Variants in LPP observed in about 807,000 individuals in gnomAD.
The protein encoded by LPP is lipoma-preferred partner.
In LPP, 38 loss-of-function variants were observed where a neutral mutation model predicts 60.4. The ratio of observed to expected loss-of-function variants is 0.63; its 90% CI spans 0.49 to 0.83. The LOEUF is 0.83. Ranked by LOEUF, LPP falls within the 40% of genes least tolerant of loss-of-function variation. The pLI, the probability that LPP is intolerant of heterozygous loss-of-function variation, is 0.00. For synonymous variants in LPP, 328 were observed against 290.8 expected, an observed-to-expected ratio of 1.13 and a Z score of -1.30; for missense variants, 902 against 783.6, an observed-to-expected ratio of 1.15 and a Z score of -1.80.
At chr3:188,249,754 G>A (rs1480737484) in intron 2 of LPP, among the ~76,000 whole-genome samples, 11 of 148,382 alleles carry the variant, frequency 7.4e-5, no homozygotes, top group East Asian at 2.0e-4. Flanking sequence ...ACTCAGATTC[G>A]TCTATTGTTA....
chr3:188,535,762 A>G (rs935587154), intron 6 of LPP, among the ~76,000 whole-genome samples: 1 of 152,190 alleles, frequency 6.6e-6, no homozygotes, highest in African/African-American at 2.4e-5. Context: ...TCAATATTAT[A>G]TCAATTCTGT....
intron 1 of LPP, among the ~76,000 whole-genome samples, chr3:188,205,000 A>G (rs1427777202): frequency 6.6e-6 from 1 of 152,204 alleles, no homozygotes; most frequent in Non-Finnish European, 1.5e-5. Flanking sequence ...CAGGGAGGAA[A>G]GAAACCAGTA....
At chr3:188,749,190 A>G (rs1727257133) in intron 8 of LPP, among the ~76,000 whole-genome samples, 1 of 152,176 alleles carries the variant, frequency 6.6e-6, no homozygotes, top group Non-Finnish European at 1.5e-5. Context: ...AATTCCTCAC[A>G]ATCAGGCAAC....
At chr3:188,547,737 C>T (rs1827036833) in intron 6 of LPP, among the ~76,000 whole-genome samples, 1 of 152,098 alleles carries the variant, frequency 6.6e-6, no homozygotes, top group Non-Finnish European at 1.5e-5. Flanking sequence ...TCTTCTTTTG[C>T]AAAATCCTAG....
At chr3:188,499,110 T>C (rs564692452) in intron 5 of LPP, among the ~76,000 whole-genome samples, 2 of 152,342 alleles carry the variant, frequency 1.3e-5, no homozygotes, top group East Asian at 3.9e-4. Flanking sequence ...GCCTTTTTAC[T>C]CCATTGATAC....
At chr3:188,368,547 A>G (rs1771898622) in intron 3 of LPP, among the ~76,000 whole-genome samples, 1 of 152,146 alleles carries the variant, frequency 6.6e-6, no homozygotes, top group African/African-American at 2.4e-5. Flanking sequence ...ACAAAATCAG[A>G]ACTAAAGTCA....
At chr3:188,405,042 G>C (rs1266506301) in intron 3 of LPP, among the ~76,000 whole-genome samples, 1 of 152,178 alleles carries the variant, frequency 6.6e-6, no homozygotes, top group African/African-American at 2.4e-5. Context: ...TCCCCTCCTA[G>C]TTTAAGCAAG....
chr3:188,553,395 T>C (rs1194382859), intron 6 of LPP, among the ~76,000 whole-genome samples: 1 of 152,106 alleles, frequency 6.6e-6, no homozygotes, highest in East Asian at 1.9e-4. Flanking sequence ...TGAAGCTTGG[T>C]AGCAGGGAGG....
chr3:188,377,269 G>GA (rs1289874967), intron 3 of LPP, among the ~76,000 whole-genome samples: 1 of 152,186 alleles, frequency 6.6e-6, no homozygotes, highest in Non-Finnish European at 1.5e-5. Context: ...CTAGATTGGG[G>GA]AAGTTCTTCT....
At chr3:188,518,254 T>C (rs1817944953) in intron 5 of LPP, among the ~76,000 whole-genome samples, 1 of 151,988 alleles carries the variant, frequency 6.6e-6, no homozygotes, top group Non-Finnish European at 1.5e-5. Flanking sequence ...TTTCCCCCAC[T>C]GATATTAGAA....
intron 2 of LPP, among the ~76,000 whole-genome samples, chr3:188,266,552 C>CAGAGAGAG (rs111754646): frequency 9.5e-5 from 14 of 147,746 alleles, no homozygotes; most frequent in African/African-American, 3.5e-4. Context: ...ACGGGGAAGA[C>CAGAGAGAG]AGAGAGAGAG....
intron 7 of LPP, among the ~76,000 whole-genome samples, chr3:188,672,986 G>T (rs185949854): frequency 6.7e-6 from 1 of 149,600 alleles, no homozygotes; most frequent in Non-Finnish European, 1.5e-5. Context: ...TTTCCATTCA[G>T]CACTCGTGTA....
chr3:188,814,921 A>C (rs975492259), intron 9 of LPP, among the ~76,000 whole-genome samples: 4 of 152,132 alleles, frequency 2.6e-5, no homozygotes, highest in African/African-American at 7.2e-5. Context: ...ACTTTACCCA[A>C]CTCCAAGACT....
chr3:188,657,485 G>A (rs1853555150), intron 7 of LPP, among the ~76,000 whole-genome samples: 1 of 151,718 alleles, frequency 6.6e-6, no homozygotes, highest in African/African-American at 2.4e-5. Flanking sequence ...AGCATTACCA[G>A]TGGATTCTGC....
intron 9 of LPP, among the ~76,000 whole-genome samples, chr3:188,847,324 G>A (rs777752043): frequency 1.5e-4 from 23 of 152,300 alleles, no homozygotes; most frequent in Admixed American, 4.6e-4. Flanking sequence ...GAAGCCTTGA[G>A]GAATGAAGAG....
chr3:188,495,810 T>C (rs1268102876), intron 5 of LPP, among the ~76,000 whole-genome samples: 3 of 152,190 alleles, frequency 2.0e-5, no homozygotes, highest in Admixed American at 2.0e-4. Context: ...AGAAACACCT[T>C]GTTCTGAAAG....
intron 9 of LPP, among the ~76,000 whole-genome samples, chr3:188,864,854 T>C (rs1188912519): frequency 6.6e-6 from 1 of 152,184 alleles, no homozygotes; most frequent in Non-Finnish European, 1.5e-5. Context: ...CACATCTGTG[T>C]TTGGAAAGAA....
chr3:188,862,688 A>G (rs1330462474), intron 9 of LPP, among the ~76,000 whole-genome samples: 3 of 146,918 alleles, frequency 2.0e-5, no homozygotes, highest in African/African-American at 2.5e-5. Flanking sequence ...ATCCCCAGCT[A>G]TCAATGCTGG....
chr3:188,420,731 T>G (rs1441805109), intron 4 of LPP, among the ~76,000 whole-genome samples: 5 of 152,168 alleles, frequency 3.3e-5, no homozygotes, highest in African/African-American at 1.2e-4. Flanking sequence ...CCAGTTATAT[T>G]GTTGCTGCTT....
Sources: gnomAD v4.1 joint callset for allele counts (sites outside exome capture counted in the v4.1 genomes callset) on GRCh38, gnomAD v4.1.1 for gene constraint, MANE v1.5 for transcripts, NCBI Gene and HGNC (gene_info 2026-07-23, HGNC 2026-07-21) for gene names.